The following SCEL variants were observed in gnomAD, a reference collection of about 807,000 sequenced individuals.
SCEL encodes sciellin.
Under a neutral mutation model 117.6 loss-of-function variants are expected in SCEL, and 113 were observed. That is an observed-to-expected ratio of 0.96 (90% confidence interval 0.83 to 1.12). SCEL has a LOEUF of 1.12. Among genes scored for constraint, SCEL ranks in the 50% most tolerant of loss-of-function variants. The pLI is 0.00. For missense variants in SCEL, 785 were observed against 810.8 expected (o/e 0.97, Z 0.39); for synonymous variants, 270 against 256.2 (o/e 1.05, Z -0.51).
chr13:77,608,517 T>A (rs2088400899), intron 20 of SCEL, among the ~76,000 whole-genome samples: 1 of 152,096 alleles, frequency 6.6e-6, no homozygotes, highest in African/African-American at 2.4e-5. Flanking sequence ...GGAGAATCGT[T>A]TGAACCCAGG....
At chr13:77,622,938 A>G (rs540750121) in intron 27 of SCEL, among the ~76,000 whole-genome samples, 1 of 152,230 alleles carries the variant, frequency 6.6e-6, no homozygotes, top group Non-Finnish European at 1.5e-5. Context: ...CTGTAACTAC[A>G]GAAAGTTGGT....
intron 27 of SCEL, 101 bp from the exon 28 acceptor site, chr13:77,627,846 A>G (rs1223049066): frequency 2.9e-6 from 1 of 346,352 alleles, no homozygotes; most frequent in African/African-American, 2.1e-5. Context: ...ACCACAAATG[A>G]CTGTGTCTAA....
intron 13 of SCEL, 147 bp from the exon 14 acceptor site, chr13:77,599,182 A>G: frequency 1.6e-6 from 1 of 613,786 alleles, no homozygotes; most frequent in Non-Finnish European, 2.9e-6. Context: ...ATTTGAGTCT[A>G]TGAATATACC....
intron 15 of SCEL, 28 bp from the exon 16 acceptor site, chr13:77,602,037 C>T (rs762190264): frequency 6.3e-7 from 1 of 1,586,034 alleles, no homozygotes; most frequent in Non-Finnish European, 8.6e-7. Context: ...CTCTCTCTTT[C>T]TCTTTCTTTT....
At chr13:77,640,867 G>A in intron 31 of SCEL, 83 bp downstream of exon 31, 1 of 685,136 alleles carries the variant, frequency 1.5e-6, no homozygotes, top group Non-Finnish European at 2.4e-6. Context: ...TAATACATGA[G>A]ATGAAGCAAA....
At chr13:77,600,938 C>T (rs566445194) in intron 15 of SCEL, among the ~76,000 whole-genome samples, 87 of 152,254 alleles carry the variant, frequency 5.7e-4, no homozygotes, top group African/African-American at 1.9e-3. Flanking sequence ...CCAATCTTGG[C>T]GATGCATTCT....
At chr13:77,607,367 T>C (rs183088700) in intron 19 of SCEL, among the ~76,000 whole-genome samples, 96 of 152,352 alleles carry the variant, frequency 6.3e-4, no homozygotes, top group African/African-American at 2.2e-3. Flanking sequence ...TTGCGCTTTA[T>C]ATTACACTTG....
intron 27 of SCEL, among the ~76,000 whole-genome samples, chr13:77,623,677 GCTT>G (rs1272110186): frequency 6.6e-6 from 1 of 152,076 alleles, no homozygotes; most frequent in Non-Finnish European, 1.5e-5. Flanking sequence ...TAAGATTCTG[GCTT>G]CTTCTCCTTT....
rs564729776 is a variant in SCEL at position 77,590,613 on chromosome 13, G to A, written c.627-782G>A. 2.2e-4 allele frequency among the ~76,000 whole-genome samples: 34 copies of A among 152,018 alleles called. 1 individual carries two copies. Among genetic ancestry groups the A allele is most frequent in the African/African-American group, 7.9e-4 (33 of 41,520 alleles). On this transcript the variant is annotated intron_variant, in intron 10 of 32. Coordinates refer to ENST00000349847, the MANE Select transcript of SCEL (RefSeq NM_144777.3). Reference sequence around the variant, plus strand: ...AATTTAAAGGAAGCTAAATTTCACAGGAACTTACTACTCAAATTTCTTTAT... The same window carrying A: ...AATTTAAAGGAAGCTAAATTTCACAAGAACTTACTACTCAAATTTCTTTAT...
chr13:77,570,781 A>T lies in SCEL; in HGVS notation c.479+1330A>T, dbSNP rs371172613. ...TCTAATTGAGGTTAGAACTGAAGGTAGTGCTGCTATAATATTCACTTACGC... is the reference window on the plus strand; with the variant it reads ...TCTAATTGAGGTTAGAACTGAAGGTTGTGCTGCTATAATATTCACTTACGC... On this transcript the variant is annotated intron_variant, in intron 8 of 32. Transcript: ENST00000349847. 3.9e-5 allele frequency among the ~76,000 whole-genome samples: 6 copies of T among 152,236 alleles called. No homozygotes were observed. The East Asian group carries it at 1.2e-3, about 29-fold the overall frequency.
At chr13:77,635,578 A>G (rs564880040) in intron 29 of SCEL, among the ~76,000 whole-genome samples, 54 of 152,320 alleles carry the variant, frequency 3.5e-4, no homozygotes, top group Non-Finnish European at 5.0e-4. Context: ...CACAATATTG[A>G]TTTTTGAATA....
rs59939208 is a variant in SCEL at position 77,633,442 on chromosome 13, CAAAAAAAAAAAA to C, written c.1692-924_1692-913del. On this transcript the variant is annotated intron_variant, in intron 28 of 32. Transcript: ENST00000349847. ...TGGGCGACAGAGCGAGACTCCGCCTCAAAAAAAAAAAAAAAAAAAAAAAAGAAGCCAGGCAAA... is the reference window on the plus strand; with the variant it reads ...TGGGCGACAGAGCGAGACTCCGCCTCAAAAAAAAAAAAGAAGCCAGGCAAA... 1.0e-4 allele frequency among the ~76,000 whole-genome samples: 3 copies of C among 30,022 alleles called. No individual in the cohort carries two copies. In the Admixed American group the frequency reaches 1.3e-3, roughly 13 times the overall value. 19.7% of individuals were successfully genotyped at this position (30,022 alleles called of 152,430 possible).
chr13:77,603,047 G>A, intron 17 of SCEL, 29 bp from the exon 18 acceptor site: 1 of 1,300,340 alleles, frequency 7.7e-7, no homozygotes, highest in Non-Finnish European at 1.1e-6. Context: ...GGAATGTTTT[G>A]AAACTGATAT....
At chr13:77,602,865 G>A (rs771520449) in intron 17 of SCEL, 152 bp downstream of exon 17, 5 of 659,644 alleles carry the variant, frequency 7.6e-6, no homozygotes, top group South Asian at 2.3e-5. Flanking sequence ...CAGTATATTC[G>A]ATCTAAATTT....
intron 28 of SCEL, among the ~76,000 whole-genome samples, chr13:77,633,505 A>T (rs1055643910): frequency 2.0e-5 from 3 of 150,670 alleles, no homozygotes; most frequent in African/African-American, 7.3e-5. Flanking sequence ...ATTGTAAAAT[A>T]ATGTTAATTG....
chr13:77,599,565 T>C, intron 14 of SCEL, 124 bp from the exon 15 acceptor site: 1 of 901,314 alleles, frequency 1.1e-6, no homozygotes, highest in Non-Finnish European at 1.8e-6. Context: ...GGATTTCTGC[T>C]CTTCCATTCA....
At chr13:77,563,126 C>G (rs961246000) in intron 4 of SCEL, among the ~76,000 whole-genome samples, 3 of 151,436 alleles carry the variant, frequency 2.0e-5, no homozygotes, top group African/African-American at 4.9e-5. Context: ...TTCTAAATTC[C>G]CCCCCCATTT....
At chr13:77,578,072 C>A (rs2154398449) in intron 9 of SCEL, among the ~76,000 whole-genome samples, 1 of 152,250 alleles carries the variant, frequency 6.6e-6, no homozygotes, top group East Asian at 1.9e-4. Context: ...TGTAGTCATT[C>A]AGTCATTCAG....
chr13:77,615,689 T>C (rs911623861), intron 24 of SCEL, among the ~76,000 whole-genome samples: 1 of 152,116 alleles, frequency 6.6e-6, no homozygotes, highest in Non-Finnish European at 1.5e-5. Flanking sequence ...ATCTAGGGCC[T>C]GAAAAAAATC....
Sources: gnomAD v4.1 joint callset for allele counts (sites outside exome capture counted in the v4.1 genomes callset) on GRCh38, gnomAD v4.1.1 for gene constraint, MANE v1.5 for transcripts, NCBI Gene and HGNC (gene_info 2026-07-23, HGNC 2026-07-21) for gene names.